INVS: variants seen among roughly 807,000 people sequenced by gnomAD.
The protein encoded by INVS is inversion of embryo turning homolog.
INVS carries 86 observed loss-of-function variants against 108.8 expected under a neutral mutation model. The ratio of observed to expected loss-of-function variants is 0.79; its 90% CI spans 0.66 to 0.95. INVS has a LOEUF of 0.95. Ranked by LOEUF, INVS falls within the 40% of genes least tolerant of loss-of-function variation. INVS has a pLI of 0.00. For missense variants in INVS, 1,169 were observed against 1,297.4 expected, an observed-to-expected ratio of 0.90 and a Z score of 1.52; for synonymous variants, 455 against 473.5, an observed-to-expected ratio of 0.96 and a Z score of 0.51.
intron 3 of INVS, among the ~76,000 whole-genome samples, chr9:100,146,512 G>A (rs1220364550): frequency 2.0e-5 from 3 of 152,334 alleles, no homozygotes; most frequent in Non-Finnish European, 4.4e-5. Context: ...CTTGGGCTCA[G>A]AGGCCTGACA....
rs1831448800 is a variant in INVS, at chr9:100,229,784, A to G, written c.572A>G (p.Asn191Ser). 3 of 1,614,072 alleles carry G rather than the reference A, an allele frequency of 1.9e-6. No homozygotes were observed. Among genetic ancestry groups the G allele is most frequent in the East Asian group, 2.2e-5 (1 of 44,896 alleles). Residue 191 changes from asparagine to serine, a missense_variant, in exon 5 of 17, where the codon AAC becomes AGC. Transcript: ENST00000262457. ...AAGATCCCACTTCACTGGGCAGCCAACCATAAAGATCCAAGTGCTGTTCAC... is the reference window on the plus strand; with the variant it reads ...AAGATCCCACTTCACTGGGCAGCCAGCCATAAAGATCCAAGTGCTGTTCAC... ...EGKIPLHWAA[N>S]HKDPSAVHTV...
chr9:100,299,192 C>T (rs1192198075), intron 16 of INVS, among the ~76,000 whole-genome samples: 2 of 152,164 alleles, frequency 1.3e-5, no homozygotes, highest in Admixed American at 6.5e-5. Flanking sequence ...TTGTCCTACA[C>T]ATATTTTTGA....
chr9:100,135,955 A>T (rs1040385242), intron 3 of INVS, among the ~76,000 whole-genome samples: 2 of 151,980 alleles, frequency 1.3e-5, no homozygotes, highest in African/African-American at 4.8e-5. Context: ...ACTAGATCAG[A>T]GTGGTGTTAT....
At chr9:100,267,766 T>A (rs1334884389) in intron 11 of INVS, among the ~76,000 whole-genome samples, 1 of 152,236 alleles carries the variant, frequency 6.6e-6, no homozygotes, top group Non-Finnish European at 1.5e-5. Context: ...TTTTAAATAC[T>A]GGGTATAGAC....
At chr9:100,197,739 C>G (rs1830419398) in intron 3 of INVS, among the ~76,000 whole-genome samples, 1 of 152,234 alleles carries the variant, frequency 6.6e-6, no homozygotes, top group African/African-American at 2.4e-5. Context: ...ATCTTGGCCT[C>G]TCTGCAGCAT....
At chr9:100,262,654 A>C (rs544356908) in intron 10 of INVS, among the ~76,000 whole-genome samples, 2 of 151,682 alleles carry the variant, frequency 1.3e-5, no homozygotes, top group South Asian at 2.1e-4. Context: ...AAAAAAAAAA[A>C]AAAAAAACTT....
intron 3 of INVS, among the ~76,000 whole-genome samples, chr9:100,208,593 G>C (rs1246364092): frequency 2.6e-5 from 4 of 152,198 alleles, no homozygotes; most frequent in Admixed American, 2.0e-4. Flanking sequence ...TAAACTGCAT[G>C]CTAGGATCAA....
chr9:100,225,253 C>T (rs9695680), intron 3 of INVS, among the ~76,000 whole-genome samples: 26,755 of 148,790 alleles, frequency 0.18, 3,605 homozygotes, highest in African/African-American at 0.39. Flanking sequence ...TTTCACCGTG[C>T]TGGCCAGGAT....
At chr9:100,257,819 A>G (rs974746450) in intron 10 of INVS, among the ~76,000 whole-genome samples, 1 of 151,380 alleles carries the variant, frequency 6.6e-6, no homozygotes, top group Non-Finnish European at 1.5e-5. Flanking sequence ...AACCCGACCT[A>G]TCTCTCTGGC....
chr9:100,294,157 G>A lies in INVS; in HGVS notation c.2786+1114G>A, dbSNP rs1285796594. Reference sequence around the variant, plus strand: ...AACTCCAGCCTGGGCGACAGAGTGAGACCCTGTCTCAAGAAAAGAAATAGG... The same window carrying A: ...AACTCCAGCCTGGGCGACAGAGTGAAACCCTGTCTCAAGAAAAGAAATAGG... On this transcript the variant is annotated intron_variant, in intron 14 of 16. Transcript: ENST00000262457. Among the ~76,000 whole-genome samples, 3 of 152,206 alleles carry A rather than the reference G, an allele frequency of 2.0e-5. No homozygotes were observed. The East Asian group carries it at 5.8e-4, about 29-fold the overall frequency.
At chr9:100,106,292 A>G (rs951695726) in intron 2 of INVS, among the ~76,000 whole-genome samples, 1 of 152,084 alleles carries the variant, frequency 6.6e-6, no homozygotes, top group Non-Finnish European at 1.5e-5. Context: ...TCTGTGTTCC[A>G]TCCCCTCCTG....
intron 11 of INVS, among the ~76,000 whole-genome samples, chr9:100,268,877 T>G (rs888735284): frequency 1.3e-4 from 20 of 152,308 alleles, no homozygotes; most frequent in Non-Finnish European, 2.5e-4. Context: ...CAGCATTCTT[T>G]AGGGTATATT....
At chr9:100,126,247 T>G (rs1827880014) in intron 2 of INVS, 136 bp from the exon 3 acceptor site, 1 of 727,206 alleles carries the variant, frequency 1.4e-6, no homozygotes, top group African/African-American at 1.8e-5. Context: ...TAATATCTAC[T>G]TCTTAGGACA....
intron 3 of INVS, among the ~76,000 whole-genome samples, chr9:100,167,936 G>A (rs1202304598): frequency 1.3e-5 from 2 of 152,090 alleles, no homozygotes; most frequent in East Asian, 1.9e-4. Context: ...ATCCTGTTTT[G>A]CTATCTTTCT....
chr9:100,242,115 G>A (rs1273906132), intron 6 of INVS, among the ~76,000 whole-genome samples: 1 of 152,296 alleles, frequency 6.6e-6, no homozygotes, highest in East Asian at 1.9e-4. Context: ...AGAGATAGAA[G>A]AGGTTGTGTT....
intron 4 of INVS, 53 bp from the exon 5 acceptor site, chr9:100,229,607 T>C: frequency 1.3e-6 from 2 of 1,527,504 alleles, no homozygotes; most frequent in Non-Finnish European, 1.8e-6. Flanking sequence ...AATAAAAGAT[T>C]GGGGAAAGTT....
intron 3 of INVS, among the ~76,000 whole-genome samples, chr9:100,186,015 G>GCAGA (rs1830046132): frequency 6.6e-6 from 1 of 152,164 alleles, no homozygotes; most frequent in African/African-American, 2.4e-5. Flanking sequence ...ACATATGCAT[G>GCAGA]CAGATGTCTT....
intron 1 of INVS, among the ~76,000 whole-genome samples, chr9:100,102,394 A>ATT (rs1827024580): frequency 6.6e-6 from 1 of 152,206 alleles, no homozygotes; most frequent in Non-Finnish European, 1.5e-5. Flanking sequence ...AATTGTCCTT[A>ATT]TTGAAATATG....
chr9:100,264,709 TA>T, intron 10 of INVS, 112 bp from the exon 11 acceptor site: 1 of 760,816 alleles, frequency 1.3e-6, no homozygotes, highest in South Asian at 1.5e-5. Context: ...TCCCTTTTTG[TA>T]AATAAGCAAT....
Sources: allele counts gnomAD v4.1 joint callset (sites outside exome capture counted in the v4.1 genomes callset), GRCh38; gene constraint gnomAD v4.1.1; transcripts MANE v1.5; gene names NCBI Gene and HGNC (gene_info 2026-07-23, HGNC 2026-07-21).